The following IMMP2L variants were observed in gnomAD, a reference collection of about 807,000 sequenced individuals.
IMMP2L encodes inner mitochondrial membrane peptidase subunit 2.
A neutral mutation model predicts 19.3 loss-of-function variants in IMMP2L; 18 were observed. The observed-to-expected ratio is 0.93, with a 90% CI of 0.64 to 1.38. The LOEUF is 1.38. IMMP2L is among the 40% of genes most tolerant of loss of function. The pLI is 0.00. For missense variants in IMMP2L, 233 were observed against 218.2 expected, an observed-to-expected ratio of 1.07 and a Z score of -0.43; for synonymous variants, 76 against 73.0, an observed-to-expected ratio of 1.04 and a Z score of -0.21.
At chr7:111,077,538 A>T (rs1221986391) in intron 3 of IMMP2L, among the ~76,000 whole-genome samples, 2 of 152,134 alleles carry the variant, frequency 1.3e-5, no homozygotes, top group Non-Finnish European at 2.9e-5. Flanking sequence ...ATATCTCTGG[A>T]ATACTGTCAT....
At chr7:111,334,199 C>A (rs1420961230) in intron 3 of IMMP2L, among the ~76,000 whole-genome samples, 1 of 149,940 alleles carries the variant, frequency 6.7e-6, no homozygotes, top group African/African-American at 2.5e-5. Context: ...ATATATATTT[C>A]CCCCCTTCAT....
intron 3 of IMMP2L, among the ~76,000 whole-genome samples, chr7:111,397,775 G>C (rs1833019627): frequency 6.6e-6 from 1 of 151,952 alleles, no homozygotes. Context: ...TTTTATACAG[G>C]AGTGATATGT....
Position 111,521,386 on chromosome 7 carries a change from A to G in IMMP2L, c.62T>C (p.Val21Ala), listed in dbSNP as rs1846312846. ...YIKAFCKGFF[V>A]AVPVAVTFLD... The stretch of plus-strand genomic sequence containing the variant: ...GAAAGTCACTGCCACAGGCACCGCC[A>G]CAAAGAAGCCTTTACAAAAGGCCTT... The change falls in exon 2 of 6, where the codon GTG (valine) becomes GCG (alanine). Residue 21 changes from valine to alanine, a missense_variant. Transcript: ENST00000405709. 1 of 1,613,370 alleles carries G rather than the reference A, an allele frequency of 6.2e-7. No homozygotes were observed. Among genetic ancestry groups the G allele is most frequent in the Non-Finnish European group, 8.5e-7 (1 of 1,179,488 alleles).
rs139409404 is a variant in IMMP2L, at chr7:111,122,785, C to A, written c.240-159220G>T. 1.9e-5 allele frequency: 31 copies of A among 1,611,726 alleles called. 1 individual carries two copies. The Middle Eastern group carries it at 5.0e-4, about 26-fold the overall frequency. ...GAAGAAAGCTAAGATGAAGGACATGCCACTCCGAATTCATGTGCTACTTGG... is the reference window on the plus strand; with the variant it reads ...GAAGAAAGCTAAGATGAAGGACATGACACTCCGAATTCATGTGCTACTTGG... On this transcript the variant is annotated intron_variant, in intron 3 of 5. Transcript: ENST00000405709.
intron 3 of IMMP2L, among the ~76,000 whole-genome samples, chr7:111,401,913 G>A (rs1833454199): frequency 6.6e-6 from 1 of 151,852 alleles, no homozygotes; most frequent in Admixed American, 6.6e-5. Context: ...AATATTCTCT[G>A]AGAGACTGTT....
chr7:111,488,033 C>A (rs779648201), intron 2 of IMMP2L, among the ~76,000 whole-genome samples: 1 of 152,020 alleles, frequency 6.6e-6, no homozygotes, highest in East Asian at 1.9e-4. Context: ...CATACAGGCA[C>A]AAAAATTTGA....
At chr7:111,180,623 G>A (rs973257175) in intron 3 of IMMP2L, among the ~76,000 whole-genome samples, 9 of 152,052 alleles carry the variant, frequency 5.9e-5, no homozygotes, top group Non-Finnish European at 1.0e-4. Flanking sequence ...AACTGGTGAT[G>A]ACAGACTTAC....
intron 1 of IMMP2L, among the ~76,000 whole-genome samples, chr7:111,533,721 C>T (rs1322754543): frequency 1.3e-5 from 2 of 151,834 alleles, no homozygotes; most frequent in Non-Finnish European, 2.9e-5. Context: ...ATAAGCCAAA[C>T]ATTATATGTA....
intron 3 of IMMP2L, among the ~76,000 whole-genome samples, chr7:111,460,339 G>C (rs764227496): frequency 3.3e-5 from 5 of 152,098 alleles, no homozygotes; most frequent in Non-Finnish European, 7.4e-5. Context: ...TGATGTTTAA[G>C]AGTTTTAGTG....
chr7:111,122,100 A>G (rs1322945474), intron 3 of IMMP2L, among the ~76,000 whole-genome samples: 3 of 151,548 alleles, frequency 2.0e-5, no homozygotes, highest in Non-Finnish European at 1.5e-5. Flanking sequence ...GAGGGATAGC[A>G]TTAGGAGATA....
intron 3 of IMMP2L, among the ~76,000 whole-genome samples, chr7:111,045,915 A>G (rs1792348507): frequency 6.6e-6 from 1 of 152,234 alleles, no homozygotes; most frequent in Non-Finnish European, 1.5e-5. Flanking sequence ...GATTGGAATA[A>G]AAACCTCCCA....
At chr7:110,759,949 T>C (rs1798253403) in intron 5 of IMMP2L, among the ~76,000 whole-genome samples, 1 of 152,110 alleles carries the variant, frequency 6.6e-6, no homozygotes, top group Non-Finnish European at 1.5e-5. Flanking sequence ...TCTCTGTCTT[T>C]GAATTCTTTA....
intron 3 of IMMP2L, among the ~76,000 whole-genome samples, chr7:111,128,480 C>T (rs1194217689): frequency 6.6e-6 from 1 of 152,066 alleles, no homozygotes; most frequent in East Asian, 1.9e-4. Flanking sequence ...TGATTTTATT[C>T]ACTATATCTG....
chr7:110,766,041 G>A (rs565464791), intron 5 of IMMP2L, among the ~76,000 whole-genome samples: 1 of 152,218 alleles, frequency 6.6e-6, no homozygotes, highest in South Asian at 2.1e-4. Flanking sequence ...TCCGTATCAT[G>A]TGGCTATAAT....
intron 4 of IMMP2L, among the ~76,000 whole-genome samples, chr7:110,957,915 T>A (rs1818531171): frequency 6.6e-6 from 1 of 151,952 alleles, no homozygotes; most frequent in South Asian, 2.1e-4. Flanking sequence ...TGACATTGCA[T>A]TATGTGTTAT....
intron 3 of IMMP2L, among the ~76,000 whole-genome samples, chr7:111,063,357 C>G: frequency 6.6e-6 from 1 of 152,166 alleles, no homozygotes; most frequent in South Asian, 2.1e-4. Context: ...CACAGTGACT[C>G]TAGGCCTAGC....
chr7:111,376,637 G>A (rs1225314265), intron 3 of IMMP2L, among the ~76,000 whole-genome samples: 1 of 152,020 alleles, frequency 6.6e-6, no homozygotes, highest in Admixed American at 6.6e-5. Flanking sequence ...CTAAAAGGTG[G>A]AAACAATCTA....
intron 5 of IMMP2L, among the ~76,000 whole-genome samples, chr7:110,779,096 A>T (rs1231838910): frequency 6.6e-6 from 1 of 151,952 alleles, no homozygotes; most frequent in Non-Finnish European, 1.5e-5. Context: ...GCTACATTTT[A>T]ACAATCAATC....
At chr7:111,430,831 G>C (rs747421164) in intron 3 of IMMP2L, among the ~76,000 whole-genome samples, 6 of 151,832 alleles carry the variant, frequency 4.0e-5, no homozygotes, top group African/African-American at 9.7e-5. Flanking sequence ...TATAGGCTGG[G>C]CATGGTGGCT....
Sources: allele counts gnomAD v4.1 joint callset (sites outside exome capture counted in the v4.1 genomes callset), GRCh38; gene constraint gnomAD v4.1.1; transcripts MANE v1.5; gene names NCBI Gene and HGNC (gene_info 2026-07-23, HGNC 2026-07-21).